The following CCDC171 variants were observed in gnomAD, a reference collection of about 807,000 sequenced individuals.
CCDC171 encodes coiled-coil domain containing 171, also known as coiled-coil domain-containing protein 171.
A neutral mutation model predicts 168.2 loss-of-function variants in CCDC171; 177 were observed. That is an observed-to-expected ratio of 1.05 (90% CI 0.93 to 1.19). The LOEUF (loss-of-function observed/expected upper bound fraction) is 1.19, where lower values mean the gene tolerates loss of function less well. CCDC171 is among the 50% of genes most tolerant of loss of function. The pLI is 0.00. For synonymous variants in CCDC171, 687 were observed against 540.8 expected (o/e 1.27, Z -3.75); for missense variants, 1,991 against 1,539.0 (o/e 1.29, Z -4.91).
the CCDC171 span, among the ~76,000 whole-genome samples, chr9:16,090,355 G>T: frequency 4.6e-5 from 7 of 152,220 alleles, no homozygotes; most frequent in East Asian, 1.2e-3. Context: ...TCATAAGTGG[G>T]AGCTGAACAA....
intron 10 of CCDC171, among the ~76,000 whole-genome samples, chr9:15,683,572 C>A (rs1366610517): frequency 1.3e-5 from 2 of 151,866 alleles, no homozygotes; most frequent in Admixed American, 1.3e-4. Context: ...CTCTTAGTGG[C>A]CCTTAAATTT....
chr9:16,107,714 G>A, the CCDC171 span, among the ~76,000 whole-genome samples: 1 of 152,034 alleles, frequency 6.6e-6, no homozygotes, highest in African/African-American at 2.4e-5. Flanking sequence ...ATTTTAGAAA[G>A]CATTTCTTAT....
intron 11 of CCDC171, among the ~76,000 whole-genome samples, chr9:15,705,144 G>A (rs1371646372): frequency 2.8e-5 from 4 of 141,636 alleles, no homozygotes; most frequent in South Asian, 2.3e-4. Flanking sequence ...AGATAACTAA[G>A]TGTGGTGATG....
intron 24 of CCDC171, among the ~76,000 whole-genome samples, chr9:15,904,269 C>G (rs1822166663): frequency 6.6e-6 from 1 of 152,098 alleles, no homozygotes; most frequent in Non-Finnish European, 1.5e-5. Context: ...TTAAGGGCAG[C>G]CAGAGAGAAA....
intron 20 of CCDC171, among the ~76,000 whole-genome samples, chr9:15,783,066 G>A: frequency 6.6e-6 from 1 of 152,072 alleles, no homozygotes; most frequent in East Asian, 1.9e-4. Flanking sequence ...AATTTTTGAG[G>A]AATGCACCCT....
chr9:15,715,389 CA>C (rs1259962718), intron 11 of CCDC171, among the ~76,000 whole-genome samples: 10 of 151,800 alleles, frequency 6.6e-5, no homozygotes, highest in African/African-American at 2.4e-4. Flanking sequence ...GGTCTGAGTT[CA>C]AAAAAAGTCT....
chr9:16,077,428 G>T, the CCDC171 span, among the ~76,000 whole-genome samples: 1 of 152,148 alleles, frequency 6.6e-6, no homozygotes, highest in African/African-American at 2.4e-5. Flanking sequence ...GACAGGTGGA[G>T]AATACTTCCC....
chr9:15,908,970 C>T (rs1823189210), intron 24 of CCDC171, among the ~76,000 whole-genome samples: 1 of 152,174 alleles, frequency 6.6e-6, no homozygotes, highest in South Asian at 2.1e-4. Flanking sequence ...CAAACTATAT[C>T]AACAACCAAC....
intron 25 of CCDC171, among the ~76,000 whole-genome samples, chr9:15,923,471 T>C (rs1825567278): frequency 6.6e-6 from 1 of 151,280 alleles, no homozygotes; most frequent in Non-Finnish European, 1.5e-5. Flanking sequence ...AGAGAACAGA[T>C]TGGTGGTTAC....
intron 24 of CCDC171, among the ~76,000 whole-genome samples, chr9:15,894,773 C>G (rs1317247014): frequency 6.6e-6 from 1 of 152,022 alleles, no homozygotes; most frequent in African/African-American, 2.4e-5. Flanking sequence ...TAAATATCAC[C>G]TCATTGAAGA....
intron 6 of CCDC171, among the ~76,000 whole-genome samples, chr9:15,611,108 T>C (rs2043651385): frequency 6.6e-6 from 1 of 152,012 alleles, no homozygotes. Context: ...CATTTAAAAG[T>C]GTGTAGCGCC....
chr9:15,707,377 C>G (rs80184515), intron 11 of CCDC171, among the ~76,000 whole-genome samples: 1 of 152,166 alleles, frequency 6.6e-6, no homozygotes, highest in East Asian at 1.9e-4. Flanking sequence ...TCAGGCATAG[C>G]TACTTTGGTT....
intron 3 of CCDC171, among the ~76,000 whole-genome samples, chr9:15,995,941 A>G (rs1228708551): frequency 2.0e-5 from 3 of 151,850 alleles, no homozygotes; most frequent in Non-Finnish European, 2.9e-5. Flanking sequence ...GTGTTTTTCT[A>G]TTTTTCATTA....
intron 25 of CCDC171, among the ~76,000 whole-genome samples, chr9:15,949,812 A>G (rs1041781768): frequency 4.9e-4 from 75 of 152,156 alleles, no homozygotes; most frequent in Non-Finnish European, 2.8e-4. Flanking sequence ...TCTCCTGCCT[A>G]ATTGCCCTGG....
rs369675226 is a variant in CCDC171 at position 15,721,853 on chromosome 9, A to T, written c.1403A>T (p.Lys468Met). Residue 468 changes from lysine (K) to methionine (M), a missense_variant, in exon 12 of 26, where the codon AAG (lysine) becomes ATG (methionine). Physicochemically the swap from Lys to Met is moderately conservative, Grantham distance 95. Transcript: ENST00000380701. ...CGTACCTTGACAGATTACCAGAACAAGCTGGAAGATGCATCTAATGAGGTA... is the reference window on the plus strand; with the variant it reads ...CGTACCTTGACAGATTACCAGAACATGCTGGAAGATGCATCTAATGAGGTA... ...LRRTLTDYQN[K>M]LEDASNEEKA... The T allele has an allele frequency of 8.4e-6, 13 of 1,552,560 alleles. No individual in the cohort carries two copies. The highest frequency in any genetic ancestry group is 1.1e-5 in the Non-Finnish European group (13 of 1,146,964).
chr9:15,991,525 G>A (rs371860438), intron 3 of CCDC171, among the ~76,000 whole-genome samples: 10,179 of 149,690 alleles, frequency 0.068, 1,182 homozygotes, highest in African/African-American at 0.24. Flanking sequence ...AAGAACTAGA[G>A]AAGCAAGAGC....
intron 8 of CCDC171, among the ~76,000 whole-genome samples, chr9:15,659,120 A>G (rs1336506018): frequency 6.6e-6 from 1 of 152,208 alleles, no homozygotes; most frequent in African/African-American, 2.4e-5. Flanking sequence ...AGAGGTTCAT[A>G]GTGCCCTTTG....
intron 16 of CCDC171, among the ~76,000 whole-genome samples, chr9:15,735,977 T>C (rs974206417): frequency 6.6e-6 from 1 of 152,174 alleles, no homozygotes; most frequent in Non-Finnish European, 1.5e-5. Flanking sequence ...TTTTGCATAT[T>C]TTGTATGTCT....
chr9:15,959,759 A>G (rs1170066772), intron 25 of CCDC171, among the ~76,000 whole-genome samples: 1 of 152,148 alleles, frequency 6.6e-6, no homozygotes, highest in Non-Finnish European at 1.5e-5. Context: ...TGTGAAGTGG[A>G]GAGAACGACC....
Sources: allele counts gnomAD v4.1 joint callset (sites outside exome capture counted in the v4.1 genomes callset), GRCh38; gene constraint gnomAD v4.1.1; transcripts MANE v1.5; gene names NCBI Gene and HGNC (gene_info 2026-07-23, HGNC 2026-07-21).